ZFHX3: variants seen among roughly 807,000 people sequenced by gnomAD.
ZFHX3 encodes zinc finger homeobox 3.
Under a neutral mutation model 279.1 loss-of-function variants are expected in ZFHX3, and 42 were observed. The observed-to-expected ratio is 0.15, with a 90% CI of 0.12 to 0.19. The LOEUF (loss-of-function observed/expected upper bound fraction) is 0.19, where lower values mean the gene tolerates loss of function less well. Ranked by LOEUF, ZFHX3 falls within the 10% of genes least tolerant of loss-of-function variation. The pLI, the probability that ZFHX3 is intolerant of heterozygous loss-of-function variation, is 1.00. For synonymous variants in ZFHX3, 2,293 were observed against 1,957.8 expected, an observed-to-expected ratio of 1.17 and a Z score of -4.52; for missense variants, 4,981 against 4,754.0, an observed-to-expected ratio of 1.05 and a Z score of -1.40.
chr16:73,170,134 T>C (rs188006693), intron 5 of ZFHX3, among the ~76,000 whole-genome samples: 7 of 151,820 alleles, frequency 4.6e-5, no homozygotes, highest in Non-Finnish European at 8.8e-5. Flanking sequence ...AATGTCCTGA[T>C]GCTAACTGCG....
intron 3 of ZFHX3, among the ~76,000 whole-genome samples, chr16:72,926,829 C>T (rs946962038): frequency 6.6e-6 from 1 of 152,212 alleles, no homozygotes; most frequent in Admixed American, 6.5e-5. Flanking sequence ...TCCTGGCCAA[C>T]CTCCTCTGGG....
At chr16:73,642,449 G>C (rs1235944903) in intron 2 of ZFHX3, among the ~76,000 whole-genome samples, 1 of 152,120 alleles carries the variant, frequency 6.6e-6, no homozygotes, top group Non-Finnish European at 1.5e-5. Flanking sequence ...TATAATCATG[G>C]GAGGATGCAT....
At chr16:73,608,155 G>C (rs1342818582) in intron 2 of ZFHX3, among the ~76,000 whole-genome samples, 1 of 152,198 alleles carries the variant, frequency 6.6e-6, no homozygotes, top group East Asian at 1.9e-4. Flanking sequence ...TCCCCTCCTA[G>C]ACTGAGGATT....
chr16:73,646,874 G>A (rs906647353), intron 2 of ZFHX3, among the ~76,000 whole-genome samples: 1 of 152,154 alleles, frequency 6.6e-6, no homozygotes, highest in Admixed American at 6.5e-5. Context: ...AAGTGAGCTC[G>A]TCTCAGAGGG....
At chr16:73,020,918 A>T (rs1161832704) in intron 1 of ZFHX3, among the ~76,000 whole-genome samples, 1 of 152,052 alleles carries the variant, frequency 6.6e-6, no homozygotes, top group East Asian at 1.9e-4. Flanking sequence ...CAACTGCTCG[A>T]TGATCCCCCA....
intron 4 of ZFHX3, among the ~76,000 whole-genome samples, chr16:73,316,990 T>C (rs1416541936): frequency 6.6e-6 from 1 of 152,168 alleles, no homozygotes; most frequent in Non-Finnish European, 1.5e-5. Flanking sequence ...GAAACTTTGA[T>C]ACAGACAGAG....
chr16:73,860,298 C>T lies in ZFHX3; in HGVS notation c.-1608+31353G>A, dbSNP rs560375095. 6.6e-5 allele frequency among the ~76,000 whole-genome samples: 10 copies of T among 152,290 alleles called. No homozygotes were observed. The East Asian group carries it at 1.9e-3, about 29-fold the overall frequency. On this transcript the variant is annotated intron_variant, in intron 1 of 17. Coordinates refer to the ZFHX3 transcript ENST00000641206. Reference sequence around the variant, plus strand: ...GTCCCAAGAGCAGCGGAATCACTGGCCTTTTGAAGGTTCTCTGTGCTTCAT... The same window carrying T: ...GTCCCAAGAGCAGCGGAATCACTGGTCTTTTGAAGGTTCTCTGTGCTTCAT...
Position 72,794,897 on chromosome 16 carries a change from C to A in ZFHX3, c.7785G>T (p.Gln2595His), listed in dbSNP as rs1448393163. ...ASQLLSGAIP[Q>H]IPASSATSPS... ...GAGAAGTGGCTGAGCTTGCTGGAAT[C>A]TGAGGTATGGCCCCAGAGAGCAGCT... is the stretch of plus-strand genomic sequence containing the variant. The change falls in exon 9 of 10, where the codon CAG becomes CAT. Residue 2595 changes from glutamine to histidine, a missense_variant. This residue lies in a region of ZFHX3 where 744 missense variants were observed against 701.3 expected (regional missense o/e 1.06). Transcript: ENST00000268489. The surrounding 1 kb of genome is among the most constrained non-coding windows in gnomAD (Gnocchi z 4.2). The A allele has an allele frequency of 6.2e-7, 1 of 1,613,926 alleles. No individual in the cohort carries two copies. The highest frequency in any genetic ancestry group is 8.5e-7 in the Non-Finnish European group (1 of 1,180,034).
Position 73,425,929 on chromosome 16 carries a change from C to T in ZFHX3, c.-1291+30074G>A, listed in dbSNP as rs2017802313. Among the ~76,000 whole-genome samples, 3 of 116,748 alleles carry T rather than the reference C, an allele frequency of 2.6e-5. No homozygotes were observed. The South Asian group carries it at 8.2e-4, about 32-fold the overall frequency. 76.6% of individuals were successfully genotyped at this position (116,748 alleles called of 152,430 possible). A position where few individuals can be genotyped will look rare whatever the true frequency, so the allele number is the denominator to read the frequency against. On this transcript the variant is annotated intron_variant, in intron 3 of 17. Transcript: ENST00000641206. ...ACCCGTGAAAGAAAAATAAAGCCTACTTCCTTACCATTAAAAAAAAAATGC... is the reference window on the plus strand; with the variant it reads ...ACCCGTGAAAGAAAAATAAAGCCTATTTCCTTACCATTAAAAAAAAAATGC...
At chr16:72,968,944 A>G (rs1002058661) in intron 1 of ZFHX3, among the ~76,000 whole-genome samples, 4 of 152,200 alleles carry the variant, frequency 2.6e-5, no homozygotes, top group Non-Finnish European at 2.9e-5. Flanking sequence ...ACATACACAT[A>G]CACATATATA....
intron 3 of ZFHX3, among the ~76,000 whole-genome samples, chr16:72,928,715 G>A (rs1403397296): frequency 6.6e-6 from 1 of 152,224 alleles, no homozygotes; most frequent in Non-Finnish European, 1.5e-5. Context: ...TAGTGGCTCA[G>A]GCCTGTAATC....
At chr16:73,791,353 C>G (rs1170570875) in intron 1 of ZFHX3, among the ~76,000 whole-genome samples, 2 of 152,200 alleles carry the variant, frequency 1.3e-5, no homozygotes, top group Admixed American at 1.3e-4. Flanking sequence ...ATCGGAATTA[C>G]TCCACCATCA....
chr16:73,303,058 T>C (rs1208252838), intron 4 of ZFHX3, among the ~76,000 whole-genome samples: 1 of 152,052 alleles, frequency 6.6e-6, no homozygotes, highest in African/African-American at 2.4e-5. Context: ...AGACAGGATC[T>C]TGCTCTGTTG....
chr16:73,206,592 C>A lies in ZFHX3; in HGVS notation c.-1104+50455G>T, dbSNP rs56285520. 8.8e-3 allele frequency among the ~76,000 whole-genome samples: 1,347 copies of A among 152,262 alleles called. 19 individuals carry two copies. Among genetic ancestry groups the A allele is most frequent in the African/African-American group, 0.031 (1,279 of 41,544 alleles). On this transcript the variant is annotated intron_variant, in intron 5 of 17. Transcript: ENST00000641206. ...TTCATACTGGCATCTGTAGTCTTCTCCTTTATCAACATGTATTCAGTATTT... is the reference window on the plus strand; with the variant it reads ...TTCATACTGGCATCTGTAGTCTTCTACTTTATCAACATGTATTCAGTATTT...
chr16:73,450,825 T>C (rs1016245661), intron 3 of ZFHX3, among the ~76,000 whole-genome samples: 1 of 152,236 alleles, frequency 6.6e-6, no homozygotes, highest in Non-Finnish European at 1.5e-5. Context: ...GGAGTCTTTT[T>C]CTCCTAATAG....
intron 2 of ZFHX3, among the ~76,000 whole-genome samples, chr16:73,585,478 C>G (rs60507811): frequency 0.017 from 2,516 of 152,222 alleles, 88 homozygotes; most frequent in African/African-American, 0.057. Flanking sequence ...GCATAAAAGA[C>G]AAATAGCTAA....
At chr16:72,860,059 T>C (rs370939040) in intron 4 of ZFHX3, among the ~76,000 whole-genome samples, 47 of 152,332 alleles carry the variant, frequency 3.1e-4, no homozygotes, top group South Asian at 2.1e-3. Context: ...TTGCAGCTCC[T>C]AGCCCAGCTG....
intron 4 of ZFHX3, among the ~76,000 whole-genome samples, chr16:72,853,356 G>A (rs1259954980): frequency 6.6e-6 from 1 of 152,178 alleles, no homozygotes; most frequent in African/African-American, 2.4e-5. Flanking sequence ...ATAATTTCTA[G>A]CCAAGGGAAT....
chr16:72,959,407 T>A lies in ZFHX3; in HGVS notation c.739A>T (p.Ser247Cys). 1 of 1,614,244 alleles carries A rather than the reference T, an allele frequency of 6.2e-7. No individual in the cohort carries two copies. The highest frequency in any genetic ancestry group is 1.7e-4 in the Middle Eastern group (1 of 6,058). ...RHKSNKDYLNSDGSAKSSCVS... is the reference protein window; with the variant it reads ...RHKSNKDYLNCDGSAKSSCVS... ...CAGGAGCTTTTGGCAGAACCGTCGC[T>A]GTTCAGGTAATCCTTGTTGCTTTTG... Residue 247 changes from serine (S) to cysteine (C), a missense_variant, in exon 2 of 10, where the codon AGC becomes TGC. Ser to Cys is a moderately radical substitution (Grantham distance 112, BLOSUM62 -1). Coordinates refer to ENST00000268489, the MANE Select transcript of ZFHX3 (RefSeq NM_006885.4).
Sources: gnomAD v4.1 joint callset for allele counts (sites outside exome capture counted in the v4.1 genomes callset) on GRCh38, gnomAD v4.1.1 for gene constraint, gnomAD v4.1.1 regional missense constraint, Gnocchi (gnomAD v3.1) non-coding constraint, MANE v1.5 for transcripts, NCBI Gene and HGNC (gene_info 2026-07-23, HGNC 2026-07-21) for gene names.